The following MARCHF1 variants were observed in gnomAD, a reference collection of about 807,000 sequenced individuals.
The protein encoded by MARCHF1 is membrane associated ring-CH-type finger 1.
A neutral mutation model predicts 54.2 loss-of-function variants in MARCHF1; 40 were observed. The ratio of observed to expected loss-of-function variants is 0.74; its 90% CI spans 0.57 to 0.96. The LOEUF (loss-of-function observed/expected upper bound fraction) is 0.96, where lower values mean the gene tolerates loss of function less well. Ranked by LOEUF, MARCHF1 falls within the 40% of genes least tolerant of loss-of-function variation. The pLI is 0.00. For synonymous variants in MARCHF1, 236 were observed against 236.3 expected, an observed-to-expected ratio of 1.00 and a Z score of 0.01; for missense variants, 586 against 656.5, an observed-to-expected ratio of 0.89 and a Z score of 1.17.
chr4:164,337,083 AAAGT>A (rs1179905302), intron 1 of MARCHF1, among the ~76,000 whole-genome samples: 2 of 152,122 alleles, frequency 1.3e-5, no homozygotes, highest in Non-Finnish European at 2.9e-5. Flanking sequence ...AGAAAGGAAA[AAAGT>A]AAACCTGTGA....
chr4:163,592,583 T>G (rs1448784326), intron 7 of MARCHF1, among the ~76,000 whole-genome samples: 1 of 152,072 alleles, frequency 6.6e-6, no homozygotes, highest in Non-Finnish European at 1.5e-5. Context: ...AATGATCACC[T>G]TGCTTGGTCA....
intron 1 of MARCHF1, among the ~76,000 whole-genome samples, chr4:164,287,688 G>A (rs1236343647): frequency 6.6e-6 from 1 of 152,130 alleles, no homozygotes; most frequent in African/African-American, 2.4e-5. Flanking sequence ...AAGCAGTGCT[G>A]GGATGACATG....
intron 4 of MARCHF1, among the ~76,000 whole-genome samples, chr4:163,701,763 T>C (rs1163720061): frequency 1.3e-5 from 2 of 152,148 alleles, no homozygotes; most frequent in South Asian, 4.1e-4. Flanking sequence ...CAATCAATTC[T>C]GAATACTAAA....
At position 163,889,853 on chromosome 4, in the gene MARCHF1, T is replaced by TAA. The variant is rs138555166; in HGVS notation, c.-38-35685_-38-35684insTT. Among the ~76,000 whole-genome samples, 409 of 139,896 alleles carry TAA rather than the reference T, an allele frequency of 2.9e-3. 2 individuals carry two copies. Among genetic ancestry groups the TAA allele is most frequent in the African/African-American group, 7.5e-3 (288 of 38,308 alleles). The allele number at this position is 139,896 out of a possible 152,430, so 91.8% of individuals were successfully genotyped here. On this transcript the variant is annotated intron_variant, in intron 3 of 9. Coordinates refer to ENST00000514618, the MANE Select transcript of MARCHF1 (RefSeq NM_001394959.1). ...TTACTGCCAAATCACTACCTGCAGA[T>TAA]TAAAAAAAAAAAATCTCAATAATAA...
intron 4 of MARCHF1, among the ~76,000 whole-genome samples, chr4:163,742,220 A>G (rs1444236171): frequency 6.6e-6 from 1 of 152,112 alleles, no homozygotes; most frequent in Non-Finnish European, 1.5e-5. Context: ...GATTGTGCTC[A>G]CTTTCTTCTA....
chr4:164,211,524 T>C (rs1219900347), intron 1 of MARCHF1, among the ~76,000 whole-genome samples: 4 of 152,070 alleles, frequency 2.6e-5, no homozygotes, highest in African/African-American at 4.8e-5. Context: ...GTTTTAAAAA[T>C]AGGAAATAAT....
chr4:164,189,024 G>C (rs1731052888), intron 1 of MARCHF1: 2 of 693,944 alleles, frequency 2.9e-6, no homozygotes, highest in Non-Finnish European at 5.3e-6. Context: ...AAGAGGGAGG[G>C]GGAGAAGACA....
intron 1 of MARCHF1, among the ~76,000 whole-genome samples, chr4:164,292,326 G>T (rs979085930): frequency 1.3e-5 from 2 of 151,980 alleles, no homozygotes; most frequent in Non-Finnish European, 2.9e-5. Context: ...GTGATAAATG[G>T]TTATGCGTTT....
In MARCHF1 at chr4:164,197,819, C is replaced by G. The variant is rs72987730; in HGVS notation, c.-322-86157G>C. On this transcript the variant is annotated intron_variant, in intron 1 of 9. Transcript: ENST00000514618. Reference sequence around the variant, plus strand: ...GACTTTGAAGACTCAACCAGCTCCGCTCGGTTCTCGAGCCCCAATATTTAC... The same window carrying G: ...GACTTTGAAGACTCAACCAGCTCCGGTCGGTTCTCGAGCCCCAATATTTAC... 3,417 of 1,536,886 alleles carry G rather than the reference C, an allele frequency of 2.2e-3. 71 individuals are homozygous for G. The African/African-American group carries it at 0.043, about 19-fold the overall frequency.
At chr4:164,118,467 G>A (rs1223177435) in intron 1 of MARCHF1, among the ~76,000 whole-genome samples, 5 of 150,774 alleles carry the variant, frequency 3.3e-5, no homozygotes, top group Non-Finnish European at 5.9e-5. Flanking sequence ...TGCAAAGTTT[G>A]ATAAATATCA....
intron 1 of MARCHF1, among the ~76,000 whole-genome samples, chr4:164,368,387 A>G (rs1359174519): frequency 6.6e-6 from 1 of 151,930 alleles, no homozygotes; most frequent in African/African-American, 2.4e-5. Flanking sequence ...AATGATTATT[A>G]TCTTGAATTA....
Position 163,819,841 on chromosome 4 carries a change from C to G in MARCHF1, c.111+34180G>C, listed in dbSNP as rs146116891. On this transcript the variant is annotated intron_variant, in intron 4 of 9. Coordinates refer to ENST00000514618, the MANE Select transcript of MARCHF1 (RefSeq NM_001394959.1). Reference sequence around the variant, plus strand: ...TGCCTATGTAAAGCCATGCTCACCACCTGAACTACAGCTTTCATCTCATCC... The same window carrying G: ...TGCCTATGTAAAGCCATGCTCACCAGCTGAACTACAGCTTTCATCTCATCC... Among the ~76,000 whole-genome samples the G allele has an allele frequency of 5.4e-3, 829 of 152,196 alleles. 13 individuals carry two copies. The highest frequency in any genetic ancestry group is 0.019 in the African/African-American group (790 of 41,538).
intron 8 of MARCHF1, among the ~76,000 whole-genome samples, chr4:163,581,286 T>C (rs1740222496): frequency 6.6e-6 from 1 of 152,200 alleles, no homozygotes; most frequent in Middle Eastern, 3.2e-3. Flanking sequence ...TAAAATAGGA[T>C]TGTAATGAAA....
At chr4:163,840,523 T>C (rs1296564931) in intron 4 of MARCHF1, among the ~76,000 whole-genome samples, 1 of 152,076 alleles carries the variant, frequency 6.6e-6, no homozygotes, top group Admixed American at 6.6e-5. Flanking sequence ...TAGTTTAACC[T>C]GATTTGAAGA....
intron 7 of MARCHF1, among the ~76,000 whole-genome samples, chr4:163,608,540 T>A (rs1312150738): frequency 1.3e-5 from 2 of 152,254 alleles, no homozygotes; most frequent in Admixed American, 6.5e-5. Flanking sequence ...TGATTCATGT[T>A]TGTTTGCCTT....
chr4:164,074,183 C>T lies in MARCHF1; in HGVS notation c.-248+37405G>A, dbSNP rs112681623. ...TTAGCCTGCCTCCAACCTTCCCATGCCAATAACCTGTAATCAGGGGATACC... is the reference window on the plus strand; with the variant it reads ...TTAGCCTGCCTCCAACCTTCCCATGTCAATAACCTGTAATCAGGGGATACC... On this transcript the variant is annotated intron_variant, in intron 2 of 9. Transcript: ENST00000514618. Among the ~76,000 whole-genome samples the T allele has an allele frequency of 8.7e-3, 1,332 of 152,310 alleles. 21 individuals are homozygous for T. Among genetic ancestry groups the T allele is most frequent in the East Asian group, 0.052 (267 of 5,184 alleles).
intron 4 of MARCHF1, among the ~76,000 whole-genome samples, chr4:163,733,989 T>C (rs1411027506): frequency 2.0e-5 from 3 of 152,242 alleles, no homozygotes; most frequent in East Asian, 3.9e-4. Context: ...TTTAAAGATG[T>C]ACAAATATTT....
intron 7 of MARCHF1, among the ~76,000 whole-genome samples, chr4:163,611,363 T>C (rs989413815): frequency 3.5e-4 from 53 of 152,074 alleles, no homozygotes; most frequent in African/African-American, 1.3e-3. Context: ...CAGCCTTCTC[T>C]GGGTCACGTA....
At chr4:164,350,590 T>C (rs1247701777) in intron 1 of MARCHF1, among the ~76,000 whole-genome samples, 1 of 152,184 alleles carries the variant, frequency 6.6e-6, no homozygotes, top group African/African-American at 2.4e-5. Flanking sequence ...TATATACACG[T>C]ATCAAAATAT....
Sources: allele counts gnomAD v4.1 joint callset (sites outside exome capture counted in the v4.1 genomes callset), GRCh38; gene constraint gnomAD v4.1.1; transcripts MANE v1.5; gene names NCBI Gene and HGNC (gene_info 2026-07-23, HGNC 2026-07-21).